Variants in FRMD7 observed in about 807,000 individuals in gnomAD.
FRMD7 encodes FERM domain containing 7, also known as FERM domain-containing protein 7.
In FRMD7, 14 loss-of-function variants were observed where a neutral mutation model predicts 44.1. The observed-to-expected ratio is 0.32, with a 90% CI of 0.21 to 0.50. FRMD7 has a LOEUF of 0.50. Ranked by LOEUF, FRMD7 falls within the 20% of genes least tolerant of loss-of-function variation. The pLI is 0.99. For synonymous variants in FRMD7, 212 were observed against 187.4 expected (o/e 1.13, Z -1.07); for missense variants, 501 against 522.3 (o/e 0.96, Z 0.40).
At chrX:132,126,631 C>T (rs1211379116) in intron 1 of FRMD7, among the ~76,000 whole-genome samples, 2 of 112,085 alleles carry the variant, frequency 1.8e-5, no homozygotes, top group South Asian at 3.7e-4. Flanking sequence ...AATTCAGGTA[C>T]TGCAGCACTG....
intron 7 of FRMD7, 44 bp from the exon 8 acceptor site, chrX:132,084,629 G>A (rs1927925842): frequency 1.2e-6 from 1 of 823,899 alleles, no homozygotes; most frequent in African/African-American, 2.0e-5. Context: ...ATTAACAAGA[G>A]TTGGCTTGTA....
At chrX:132,122,756 C>T (rs1361917546) in intron 1 of FRMD7, among the ~76,000 whole-genome samples, 1 of 112,329 alleles carries the variant, frequency 8.9e-6, no homozygotes, top group Non-Finnish European at 1.9e-5. Flanking sequence ...TACCTGGCAT[C>T]TCTAGCACTT....
intron 1 of FRMD7, among the ~76,000 whole-genome samples, chrX:132,122,462 C>A (rs774796896): frequency 1.8e-5 from 2 of 112,472 alleles, no homozygotes; most frequent in South Asian, 7.4e-4. Flanking sequence ...TGTTCTCTAT[C>A]TTGGTGAATG....
At chrX:132,127,644 AG>A in intron 1 of FRMD7, 143 bp downstream of exon 1, 1 of 536,587 alleles carries the variant, frequency 1.9e-6, no homozygotes, top group Non-Finnish European at 3.4e-6. Flanking sequence ...TGTTAAATAC[AG>A]ATTATTTTTC....
rs564880982 is a variant in FRMD7, at chrX:132,084,741, C to T, written c.646-156G>A. 2.6e-4 allele frequency among the ~76,000 whole-genome samples: 29 copies of T among 111,187 alleles called. No individual in the cohort carries two copies. The South Asian group carries it at 0.01, about 39-fold the overall frequency. The stretch of plus-strand genomic sequence containing the variant: ...TGCTGCACTGGGTAGGAGCTGTGGT[C>T]AAAGAAGGCATTTCAGGTGGGATAC... On this transcript the variant is annotated intron_variant, in intron 7 of 11. Coordinates refer to ENST00000298542, the MANE Select transcript of FRMD7 (RefSeq NM_194277.3).
At chrX:132,083,965 T>TA (rs1317921350) in intron 8 of FRMD7, among the ~76,000 whole-genome samples, 3 of 111,266 alleles carry the variant, frequency 2.7e-5, no homozygotes, top group Non-Finnish European at 3.8e-5. Flanking sequence ...ATCTCTAGAA[T>TA]AAAAAAAGAA....
At chrX:132,106,180 C>T (rs1928642518) in intron 1 of FRMD7, among the ~76,000 whole-genome samples, 1 of 111,490 alleles carries the variant, frequency 9.0e-6, no homozygotes, top group South Asian at 3.7e-4. Context: ...AACAAACAAC[C>T]CCATTAAAAA....
At chrX:132,105,478 T>C (rs912203289) in intron 1 of FRMD7, among the ~76,000 whole-genome samples, 2 of 111,437 alleles carry the variant, frequency 1.8e-5, no homozygotes, top group East Asian at 5.6e-4. Context: ...AAACTACCAA[T>C]GACATTCTTC....
intron 1 of FRMD7, among the ~76,000 whole-genome samples, chrX:132,101,507 C>T (rs1169902016): frequency 8.9e-6 from 1 of 112,152 alleles, no homozygotes; most frequent in Non-Finnish European, 1.9e-5. Context: ...TCTATCTTCC[C>T]CATTAGACTG....
chrX:132,086,542 TAAG>T (rs1225581643), intron 5 of FRMD7, among the ~76,000 whole-genome samples: 4 of 109,051 alleles, frequency 3.7e-5, no homozygotes, highest in Non-Finnish European at 7.6e-5. Context: ...GGTATCCTTA[TAAG>T]AAGAAGAAAT....
chrX:132,127,831 T>G lies in FRMD7; in HGVS notation c.14A>C (p.Lys5Thr). MLHL[K>T]VQFLDDSQKI... ...CTGGGAATCATCCAAAAACTGCACT[T>G]TTAAATGTAGCATTCTCAGCGAGGC... is the stretch of plus-strand genomic sequence containing the variant. The change falls in exon 1 of 12, where the codon AAA becomes ACA. Residue 5 changes from lysine (K) to threonine (T), a missense_variant. Coordinates refer to ENST00000298542, the MANE Select transcript of FRMD7 (RefSeq NM_194277.3). 1 of 1,209,023 alleles carries G rather than the reference T, an allele frequency of 8.3e-7. No individual in the cohort carries two copies.
At chrX:132,101,629 T>C (rs1418386243) in intron 1 of FRMD7, among the ~76,000 whole-genome samples, 1 of 112,541 alleles carries the variant, frequency 8.9e-6, no homozygotes, top group African/African-American at 3.2e-5. Flanking sequence ...CAACATGAAA[T>C]TGACCATATG....
At chrX:132,093,107 A>T (rs959247197) in intron 5 of FRMD7, among the ~76,000 whole-genome samples, 1 of 111,092 alleles carries the variant, frequency 9.0e-6, no homozygotes, top group Admixed American at 9.6e-5. Flanking sequence ...CCTTTCTGAG[A>T]TCCTAGGGCT....
At chrX:132,083,892 C>T (rs1363441821) in intron 8 of FRMD7, among the ~76,000 whole-genome samples, 2 of 111,620 alleles carry the variant, frequency 1.8e-5, no homozygotes, top group Admixed American at 9.5e-5. Context: ...GAGCCCAGGA[C>T]GTTGAGGCTG....
At chrX:132,107,662 G>T (rs1202976581) in intron 1 of FRMD7, among the ~76,000 whole-genome samples, 1 of 100,774 alleles carries the variant, frequency 9.9e-6, no homozygotes, top group African/African-American at 3.8e-5. Context: ...TTCTTATAAA[G>T]CTAACAATCT....
At chrX:132,079,038 T>C (rs1255132419) in intron 11 of FRMD7, 72 bp from the exon 12 acceptor site, 9 of 906,368 alleles carry the variant, frequency 9.9e-6, no homozygotes, top group African/African-American at 1.9e-5. Context: ...GGATCTAAAT[T>C]AGCCTCAAAG....
chrX:132,103,507 TC>T (rs1928565616), intron 1 of FRMD7, among the ~76,000 whole-genome samples: 1 of 109,871 alleles, frequency 9.1e-6, no homozygotes, highest in Non-Finnish European at 1.9e-5. Flanking sequence ...TATCTATCTA[TC>T]TATCTATCTA....
intron 1 of FRMD7, among the ~76,000 whole-genome samples, chrX:132,117,152 A>G (rs1412755056): frequency 8.9e-6 from 1 of 112,428 alleles, no homozygotes; most frequent in African/African-American, 3.2e-5. Flanking sequence ...GATATATATT[A>G]GCTATTACCA....
At chrX:132,109,573 A>C (rs1287150570) in intron 1 of FRMD7, among the ~76,000 whole-genome samples, 1 of 111,815 alleles carries the variant, frequency 8.9e-6, no homozygotes, top group African/African-American at 3.3e-5. Context: ...ACTGAGATGA[A>C]CAAGACACAG....
Sources: gnomAD v4.1 joint callset for allele counts (sites outside exome capture counted in the v4.1 genomes callset) on GRCh38, gnomAD v4.1.1 for gene constraint, MANE v1.5 for transcripts, NCBI Gene and HGNC (gene_info 2026-07-23, HGNC 2026-07-21) for gene names.